TRPM3: variants seen among roughly 807,000 people sequenced by gnomAD.
TRPM3 encodes transient receptor potential cation channel subfamily M member 3, also known as long transient receptor potential channel 3.
In TRPM3, 77 loss-of-function variants were observed where a neutral mutation model predicts 181.2. That is an observed-to-expected ratio of 0.42 (90% CI 0.35 to 0.51). The LOEUF is 0.51. Ranked by LOEUF, TRPM3 falls within the 20% of genes least tolerant of loss-of-function variation. TRPM3 has a pLI of 0.01. For missense variants in TRPM3, 1,759 were observed against 2,196.7 expected (o/e 0.80, Z 3.98); for synonymous variants, 745 against 796.4 (o/e 0.94, Z 1.09).
Position 71,031,406 on chromosome 9 carries a change from A to G in TRPM3, c.177+89772T>C, listed in dbSNP as rs932322078. Among the ~76,000 whole-genome samples the G allele has an allele frequency of 2.0e-5, 3 of 152,170 alleles. No homozygotes were observed. The East Asian group carries it at 5.8e-4, about 29-fold the overall frequency. Reference sequence around the variant, plus strand: ...TCTCACTAAACTTTTCTAAGCATCAACTTCTTCATTTATAATAAGATAGTG... The same window carrying G: ...TCTCACTAAACTTTTCTAAGCATCAGCTTCTTCATTTATAATAAGATAGTG... On this transcript the variant is annotated intron_variant, in intron 1 of 25. Coordinates refer to ENST00000677713, the MANE Select transcript of TRPM3 (RefSeq NM_001366145.2).
chr9:71,159,175 G>T (rs1244483138), intron 1 of TRPM3, among the ~76,000 whole-genome samples: 1 of 151,652 alleles, frequency 6.6e-6, no homozygotes, highest in African/African-American at 2.4e-5. Context: ...TGGTTTTACG[G>T]TGTGTGTGTG....
intron 1 of TRPM3, among the ~76,000 whole-genome samples, chr9:71,370,535 C>T (rs546418692): frequency 3.9e-5 from 6 of 152,182 alleles, no homozygotes; most frequent in Non-Finnish European, 5.9e-5. Flanking sequence ...ATCTAGAACA[C>T]GGCCCTAACT....
At chr9:70,875,080 C>G (rs1260258886) in intron 1 of TRPM3, among the ~76,000 whole-genome samples, 1 of 151,854 alleles carries the variant, frequency 6.6e-6, no homozygotes, top group Non-Finnish European at 1.5e-5. Context: ...GATCTTGTTT[C>G]TGAAATCCCT....
At position 71,407,857 on chromosome 9, in the gene TRPM3, C is replaced by T. The variant is rs139796546; in HGVS notation, c.183+38796G>A. Among the ~76,000 whole-genome samples, 586 of 152,278 alleles carry T rather than the reference C, an allele frequency of 3.8e-3. 4 individuals are homozygous for T. Among genetic ancestry groups the T allele is most frequent in the African/African-American group, 0.013 (558 of 41,548 alleles). On this transcript the variant is annotated intron_variant, in intron 1 of 24. Transcript: ENST00000357533. Reference sequence around the variant, plus strand: ...AACTGACACCTCATACAGCCGGGTGCCCCTCTGAGACAAAGCTTCTAGAGG... The same window carrying T: ...AACTGACACCTCATACAGCCGGGTGTCCCTCTGAGACAAAGCTTCTAGAGG...
At chr9:71,316,163 C>T (rs2088569081) in intron 1 of TRPM3, among the ~76,000 whole-genome samples, 1 of 152,162 alleles carries the variant, frequency 6.6e-6, no homozygotes, top group Non-Finnish European at 1.5e-5. Flanking sequence ...AAGAGGATTG[C>T]TCTATGTGCA....
chr9:70,655,305 C>CAAAAAAAAAAA (rs1169901529), intron 9 of TRPM3, among the ~76,000 whole-genome samples: 80 of 33,132 alleles, frequency 2.4e-3, no homozygotes, highest in African/African-American at 5.8e-3. Context: ...GACTCCGTCT[C>CAAAAAAAAAAA]AAAAAAAAAA....
At chr9:70,942,446 A>C (rs1371343017) in intron 1 of TRPM3, among the ~76,000 whole-genome samples, 1 of 152,232 alleles carries the variant, frequency 6.6e-6, no homozygotes. Flanking sequence ...CATCTCAGCC[A>C]TCAACAATCA....
At chr9:70,934,638 A>T (rs931848527) in intron 1 of TRPM3, among the ~76,000 whole-genome samples, 2 of 152,150 alleles carry the variant, frequency 1.3e-5, no homozygotes, top group African/African-American at 2.4e-5. Context: ...AAATATATAA[A>T]ATATATATTA....
At chr9:71,056,025 C>A (rs959053942) in intron 1 of TRPM3, among the ~76,000 whole-genome samples, 1 of 151,920 alleles carries the variant, frequency 6.6e-6, no homozygotes, top group Non-Finnish European at 1.5e-5. Flanking sequence ...TCTAAGACAC[C>A]CCTATCAGGT....
intron 1 of TRPM3, among the ~76,000 whole-genome samples, chr9:71,060,283 T>C (rs2061165096): frequency 6.6e-6 from 1 of 152,080 alleles, no homozygotes; most frequent in South Asian, 2.1e-4. Flanking sequence ...GGAAAGACAG[T>C]GTAGCCTCAA....
intron 1 of TRPM3, among the ~76,000 whole-genome samples, chr9:71,300,755 C>T (rs1356312984): frequency 6.6e-6 from 1 of 151,910 alleles, no homozygotes; most frequent in Non-Finnish European, 1.5e-5. Flanking sequence ...GTAAGCAATC[C>T]CTAGATGATC....
intron 8 of TRPM3, among the ~76,000 whole-genome samples, chr9:70,743,440 A>G (rs927327603): frequency 6.6e-6 from 1 of 152,192 alleles, no homozygotes; most frequent in East Asian, 1.9e-4. Context: ...AAATGAAAAC[A>G]TATCTCGGAA....
intron 1 of TRPM3, among the ~76,000 whole-genome samples, chr9:71,249,348 T>C (rs546334680): frequency 1.3e-5 from 2 of 152,336 alleles, no homozygotes; most frequent in Admixed American, 6.5e-5. Flanking sequence ...TTTGATGTGA[T>C]TGTATATTCT....
At chr9:70,863,854 G>A (rs188272911) in intron 2 of TRPM3, among the ~76,000 whole-genome samples, 17 of 152,138 alleles carry the variant, frequency 1.1e-4, no homozygotes, top group Admixed American at 9.2e-4. Flanking sequence ...AAGGTTACAC[G>A]GATAGTCTCT....
chr9:71,296,765 C>T (rs562906150), intron 1 of TRPM3, among the ~76,000 whole-genome samples: 230 of 152,102 alleles, frequency 1.5e-3, no homozygotes, highest in African/African-American at 5.1e-3. Context: ...GACTAGACGG[C>T]GGGGGTTCAC....
intron 1 of TRPM3, among the ~76,000 whole-genome samples, chr9:71,349,484 A>G (rs2091476934): frequency 6.6e-6 from 1 of 152,222 alleles, no homozygotes; most frequent in South Asian, 2.1e-4. Context: ...CACTAAGAAG[A>G]CTTCAGCATA....
At chr9:70,550,242 T>C (rs962205260) in intron 24 of TRPM3, among the ~76,000 whole-genome samples, 1 of 152,224 alleles carries the variant, frequency 6.6e-6, no homozygotes, top group Admixed American at 6.5e-5. Context: ...TTTACTTTCC[T>C]GATAAAATAT....
chr9:70,794,633 A>T (rs2086534552), intron 6 of TRPM3, among the ~76,000 whole-genome samples: 1 of 151,944 alleles, frequency 6.6e-6, no homozygotes, highest in Non-Finnish European at 1.5e-5. Context: ...CTGTATTCTC[A>T]TTCTCAGTTT....
In TRPM3 at chr9:70,998,497, T is replaced by C. The variant is rs1270753376; in HGVS notation, c.177+122681A>G. 4.6e-5 allele frequency among the ~76,000 whole-genome samples: 7 copies of C among 152,238 alleles called. No individual in the cohort carries two copies. In the East Asian group the frequency reaches 1.4e-3, roughly 29 times the overall value. ...TTTGTTACAACTGATGAACCTATATTGATACATCATCATAACCCAAAGTCC... is the reference window on the plus strand; with the variant it reads ...TTTGTTACAACTGATGAACCTATATCGATACATCATCATAACCCAAAGTCC... On this transcript the variant is annotated intron_variant, in intron 1 of 25. Coordinates refer to ENST00000677713, the MANE Select transcript of TRPM3 (RefSeq NM_001366145.2).
Sources: allele counts gnomAD v4.1 joint callset (sites outside exome capture counted in the v4.1 genomes callset), GRCh38; gene constraint gnomAD v4.1.1; transcripts MANE v1.5; gene names NCBI Gene and HGNC (gene_info 2026-07-23, HGNC 2026-07-21).